The following AFAP1L2 variants were observed in gnomAD, a reference collection of about 807,000 sequenced individuals.
AFAP1L2 encodes the protein actin filament associated protein 1 like 2.
Under a neutral mutation model 99.3 loss-of-function variants are expected in AFAP1L2, and 46 were observed. The observed-to-expected ratio is 0.46, with a 90% confidence interval of 0.37 to 0.59. The LOEUF is 0.59. Ranked by LOEUF, AFAP1L2 falls within the 20% of genes least tolerant of loss-of-function variation. The probability of loss-of-function intolerance (pLI) is 0.00; values close to 1 mark genes in which losing one functional copy is unlikely to be tolerated. For synonymous variants in AFAP1L2, 397 were observed against 419.1 expected, an observed-to-expected ratio of 0.95 and a Z score of 0.64; for missense variants, 959 against 1,034.9, an observed-to-expected ratio of 0.93 and a Z score of 1.01.
chr10:114,286,181 C>T, the AFAP1L2 span: 3 of 1,613,794 alleles, frequency 1.9e-6, no homozygotes, highest in Non-Finnish European at 2.5e-6. Flanking sequence ...CGATGGCATT[C>T]CCTTCCGTGG....
At chr10:114,382,999 G>A (rs1357815507) in intron 1 of AFAP1L2, among the ~76,000 whole-genome samples, 2 of 152,000 alleles carry the variant, frequency 1.3e-5, no homozygotes, top group Admixed American at 6.6e-5. Context: ...TACCCTGACT[G>A]GATCATTACA....
Position 114,297,237 on chromosome 10 carries a change from C to G in AFAP1L2, c.2290G>C (p.Glu764Gln). 6.4e-7 allele frequency: 1 copy of G among 1,564,974 alleles called. No individual in the cohort carries two copies. Among genetic ancestry groups the G allele is most frequent in the Non-Finnish European group, 8.7e-7 (1 of 1,148,934 alleles). Residue 764 changes from glutamate (E) to glutamine (Q), a missense_variant, in exon 17 of 19, where the codon GAG becomes CAG. By Grantham distance (29) the Glu-to-Gln change is conservative. Coordinates refer to ENST00000304129, the MANE Select transcript of AFAP1L2 (RefSeq NM_001001936.3). ...GCACTCACGCGGGGGCTCACATTCT[C>G]CAGGTGGGTGGTGTCCACGGTGGTG... is the stretch of plus-strand genomic sequence containing the variant. Reference protein sequence around the residue: ...LGTTVDTTHLENVSPRPKAVT... With the variant: ...LGTTVDTTHLQNVSPRPKAVT...
intron 1 of AFAP1L2, among the ~76,000 whole-genome samples, chr10:114,386,649 A>C (rs2056542027): frequency 2.0e-5 from 3 of 152,178 alleles, no homozygotes; most frequent in South Asian, 4.1e-4. Flanking sequence ...CCGGAACTGC[A>C]CCTGCTCCAC....
intron 2 of AFAP1L2, among the ~76,000 whole-genome samples, chr10:114,336,750 T>C (rs1399075175): frequency 6.6e-6 from 1 of 152,060 alleles, no homozygotes; most frequent in Non-Finnish European, 1.5e-5. Context: ...GACACAGCTG[T>C]CACTGGTGAA....
intron 1 of AFAP1L2, among the ~76,000 whole-genome samples, chr10:114,345,201 G>GGGGT (rs1554922332): frequency 5.3e-5 from 6 of 114,144 alleles, no homozygotes; most frequent in South Asian, 2.8e-4. Flanking sequence ...TCTGTGTATC[G>GGGGT]GGGGAACATG....
At position 114,297,232 on chromosome 10, in the gene AFAP1L2, A is replaced by G. The variant is rs17091542; in HGVS notation, c.2295T>C (p.Asn765=). ...TTCCAGCACTCACGCGGGGGCTCACATTCTCCAGGTGGGTGGTGTCCACGG... is the reference window on the plus strand; with the variant it reads ...TTCCAGCACTCACGCGGGGGCTCACGTTCTCCAGGTGGGTGGTGTCCACGG... The part of the protein sequence containing the change: ...GTTVDTTHLE[N]VSPRPKAVTP... Residue 765 remains asparagine, a synonymous_variant, in exon 17 of 19, where the codon AAT becomes AAC. Coordinates refer to ENST00000304129, the MANE Select transcript of AFAP1L2 (RefSeq NM_001001936.3). 5.5e-3 allele frequency: 8,933 copies of G among 1,609,900 alleles called. 462 individuals carry two copies. The African/African-American group carries it at 0.1, about 19-fold the overall frequency.
the AFAP1L2 span, chr10:114,285,873 C>G: frequency 9.6e-6 from 14 of 1,462,300 alleles, no homozygotes; most frequent in Non-Finnish European, 1.3e-5. Context: ...TTCGGCATCT[C>G]GGGTGGGACA....
At chr10:114,392,936 A>G (rs972288047) in intron 1 of AFAP1L2, among the ~76,000 whole-genome samples, 10 of 152,216 alleles carry the variant, frequency 6.6e-5, no homozygotes, top group African/African-American at 1.9e-4. Flanking sequence ...CAAGTCTTAC[A>G]CTTGAGGACA....
At chr10:114,291,934 T>A (rs2039639855), downstream of AFAP1L2, among the ~76,000 whole-genome samples, 1 of 152,164 alleles carries the variant, frequency 6.6e-6, no homozygotes, top group Non-Finnish European at 1.5e-5. Context: ...AGGGGCCACG[T>A]AAAATCGTTC....
chr10:114,305,395 G>T, intron 10 of AFAP1L2, among the ~76,000 whole-genome samples: 1 of 139,782 alleles, frequency 7.2e-6, no homozygotes, highest in Non-Finnish European at 1.6e-5. Context: ...GGCTGCAGGA[G>T]GGGACGGCGC....
intron 12 of AFAP1L2, 197 bp downstream of exon 12, chr10:114,302,142 G>T: frequency 1.3e-6 from 1 of 786,486 alleles, no homozygotes; most frequent in Non-Finnish European, 2.0e-6. Context: ...GCCTGGCTCG[G>T]CTCCTTGCTC....
chr10:114,285,953 C>T, the AFAP1L2 span: 3 of 1,597,570 alleles, frequency 1.9e-6, no homozygotes, highest in Non-Finnish European at 2.6e-6. Flanking sequence ...GAAGCTGAGC[C>T]TGGAATGCAG....
chr10:114,304,336 G>T (rs753423068), intron 11 of AFAP1L2, among the ~76,000 whole-genome samples: 6 of 152,180 alleles, frequency 3.9e-5, no homozygotes, highest in Non-Finnish European at 8.8e-5. Flanking sequence ...ATCACAAAGC[G>T]AATTTTTTCC....
At chr10:114,302,849 TTGTA>T (rs2041461490) in intron 11 of AFAP1L2, among the ~76,000 whole-genome samples, 1 of 152,192 alleles carries the variant, frequency 6.6e-6, no homozygotes, top group African/African-American at 2.4e-5. Context: ...GATTAAAAAA[TTGTA>T]TGTCTTTTAA....
chr10:114,304,593 G>T, intron 11 of AFAP1L2, 126 bp downstream of exon 11: 1 of 1,000,580 alleles, frequency 1.0e-6, no homozygotes, highest in Non-Finnish European at 1.4e-6. Flanking sequence ...TCAGGCAAAC[G>T]AAGTAAAAAT....
intron 1 of AFAP1L2, among the ~76,000 whole-genome samples, chr10:114,346,844 C>T (rs150792768): frequency 6.8e-4 from 103 of 152,320 alleles, no homozygotes; most frequent in African/African-American, 2.4e-3. Context: ...CTGCTCGATT[C>T]ATTGCCCTCC....
intron 16 of AFAP1L2, 116 bp from the exon 17 acceptor site, chr10:114,297,529 G>T: frequency 8.8e-7 from 1 of 1,130,116 alleles, no homozygotes; most frequent in Non-Finnish European, 1.2e-6. Flanking sequence ...CACAGGTCTG[G>T]CCCCAACACT....
At chr10:114,287,756 TACCCCAC>T in the AFAP1L2 span, among the ~76,000 whole-genome samples, 1 of 152,218 alleles carries the variant, frequency 6.6e-6, no homozygotes, top group African/African-American at 2.4e-5. Flanking sequence ...GAGTTCCCTA[TACCCCAC>T]ACCCAGTTTC....
At chr10:114,316,879 A>T (rs1214800140) in intron 5 of AFAP1L2, among the ~76,000 whole-genome samples, 1 of 152,048 alleles carries the variant, frequency 6.6e-6, no homozygotes, top group Non-Finnish European at 1.5e-5. Flanking sequence ...CTCTGCCCAA[A>T]TTTCCCACGG....
Sources: allele counts gnomAD v4.1 joint callset (sites outside exome capture counted in the v4.1 genomes callset), GRCh38; gene constraint gnomAD v4.1.1; transcripts MANE v1.5; gene names NCBI Gene and HGNC (gene_info 2026-07-23, HGNC 2026-07-21).